Variants in MALRD1 observed in about 807,000 individuals in gnomAD.
The protein encoded by MALRD1 is MAM and LDL-receptor class A domain-containing protein 1.
In MALRD1, 247 loss-of-function variants were observed where a neutral mutation model predicts 242.1. That is an observed-to-expected ratio of 1.02 (90% CI 0.92 to 1.13). The LOEUF (loss-of-function observed/expected upper bound fraction) is 1.13, where lower values mean the gene tolerates loss of function less well. MALRD1 is among the 50% of genes most tolerant of loss of function. The pLI is 0.00. For synonymous variants in MALRD1, 995 were observed against 866.6 expected (o/e 1.15, Z -2.60); for missense variants, 2,989 against 2,533.1 (o/e 1.18, Z -3.86).
chr10:19,212,318 T>C (rs1022805376), intron 18 of MALRD1, among the ~76,000 whole-genome samples: 6 of 152,326 alleles, frequency 3.9e-5, no homozygotes, highest in South Asian at 4.1e-4. Context: ...AAAAAATGTA[T>C]ATAAATAAAA....
chr10:19,677,317 A>G lies in MALRD1; in HGVS notation c.6138-14965A>G, dbSNP rs899930717. ...AGCATTCCCGTTTCTCCAGTCTCAC[A>G]GCATCTGTAGTTTCTTGACTTTTTA... On this transcript the variant is annotated intron_variant, in intron 36 of 39. Coordinates refer to ENST00000454679, the MANE Select transcript of MALRD1 (RefSeq NM_001142308.3). Among the ~76,000 whole-genome samples, 7 of 152,168 alleles carry G rather than the reference A, an allele frequency of 4.6e-5. No homozygotes were observed. In the East Asian group the frequency reaches 7.7e-4, roughly 17 times the overall value.
intron 1 of MALRD1, among the ~76,000 whole-genome samples, chr10:19,054,723 G>A (rs1834610682): frequency 2.0e-5 from 3 of 152,086 alleles, no homozygotes; most frequent in East Asian, 1.9e-4. Flanking sequence ...GTGTTGTCAC[G>A]AATGACAGGA....
chr10:19,336,816 A>T (rs1400931590), intron 24 of MALRD1, among the ~76,000 whole-genome samples: 1 of 152,136 alleles, frequency 6.6e-6, no homozygotes, highest in African/African-American at 2.4e-5. Context: ...TAGAACACAA[A>T]TCTAAGATGG....
chr10:19,142,039 G>T (rs1833562139), intron 10 of MALRD1, among the ~76,000 whole-genome samples: 1 of 151,886 alleles, frequency 6.6e-6, no homozygotes, highest in Non-Finnish European at 1.5e-5. Flanking sequence ...GGGCGTTGTG[G>T]TGGGCGCCTG....
intron 10 of MALRD1, among the ~76,000 whole-genome samples, chr10:19,141,127 AT>A (rs763788520): frequency 4.6e-5 from 7 of 152,224 alleles, no homozygotes; most frequent in South Asian, 4.1e-4. Context: ...TGTTTTAAAA[AT>A]CTCTATCAAA....
intron 5 of MALRD1, among the ~76,000 whole-genome samples, chr10:19,109,611 G>C (rs948057028): frequency 3.9e-5 from 6 of 152,236 alleles, no homozygotes; most frequent in African/African-American, 1.2e-4. Flanking sequence ...ATTCACAGAA[G>C]TAGATAGCTA....
intron 10 of MALRD1, among the ~76,000 whole-genome samples, chr10:19,144,529 C>T (rs1195967199): frequency 1.3e-5 from 2 of 152,320 alleles, no homozygotes; most frequent in Admixed American, 6.5e-5. Context: ...GTCCCTATTA[C>T]AGAGACTTGA....
intron 31 of MALRD1, among the ~76,000 whole-genome samples, chr10:19,504,157 A>T (rs1311323325): frequency 1.3e-5 from 2 of 152,196 alleles, no homozygotes; most frequent in Admixed American, 6.5e-5. Context: ...TGTACTTCCT[A>T]TGGGCAGACA....
chr10:19,642,135 G>A (rs7080580), intron 36 of MALRD1, among the ~76,000 whole-genome samples: 23,336 of 151,994 alleles, frequency 0.15, 3,168 homozygotes, highest in African/African-American at 0.37. Flanking sequence ...TATATCAGCA[G>A]AACATATATT....
At chr10:19,644,951 T>A (rs1210304964) in intron 36 of MALRD1, among the ~76,000 whole-genome samples, 3 of 152,294 alleles carry the variant, frequency 2.0e-5, no homozygotes, top group Non-Finnish European at 4.4e-5. Context: ...ACAGATCCTG[T>A]AAAAATTAAT....
In MALRD1 at chr10:19,073,910, C is replaced by T. The variant is rs74377480; in HGVS notation, c.340+7051C>T. ...AGAGACAAACTCTGACTCCAGAAAG[C>T]GAAAGAGCATTTGAGAAAATAGTTG... On this transcript the variant is annotated intron_variant, in intron 2 of 39. Coordinates refer to ENST00000454679, the MANE Select transcript of MALRD1 (RefSeq NM_001142308.3). Among the ~76,000 whole-genome samples, 701 of 152,048 alleles carry T rather than the reference C, an allele frequency of 4.6e-3. 4 individuals are homozygous for T. The highest frequency in any genetic ancestry group is 0.017 in the Middle Eastern group (5 of 294).
At chr10:19,206,361 T>C (rs571733279) in intron 17 of MALRD1, among the ~76,000 whole-genome samples, 1 of 152,196 alleles carries the variant, frequency 6.6e-6, no homozygotes, top group Non-Finnish European at 1.5e-5. Context: ...AATATTTGAG[T>C]GGGTATAATT....
intron 12 of MALRD1, among the ~76,000 whole-genome samples, chr10:19,159,964 A>AT (rs1291480855): frequency 6.6e-6 from 1 of 152,170 alleles, no homozygotes; most frequent in Non-Finnish European, 1.5e-5. Context: ...TGGAGCTTCC[A>AT]TTTTTATCTT....
intron 38 of MALRD1, among the ~76,000 whole-genome samples, chr10:19,693,091 A>G (rs897132997): frequency 2.0e-5 from 3 of 151,948 alleles, no homozygotes; most frequent in Non-Finnish European, 4.4e-5. Flanking sequence ...TATAAGAGCT[A>G]TTTATGACAA....
At chr10:19,238,556 ATT>A (rs1491425344) in intron 18 of MALRD1, among the ~76,000 whole-genome samples, 3 of 83,874 alleles carry the variant, frequency 3.6e-5, no homozygotes, top group East Asian at 6.3e-4. Flanking sequence ...TATAATGTAT[ATT>A]ATATATAATA....
At chr10:19,113,928 G>A (rs755287274) in intron 5 of MALRD1, among the ~76,000 whole-genome samples, 2 of 151,944 alleles carry the variant, frequency 1.3e-5, no homozygotes, top group African/African-American at 2.4e-5. Flanking sequence ...TTCATTTGTG[G>A]ACCCTAGAAC....
At chr10:19,679,991 T>A (rs1842301489) in intron 36 of MALRD1, among the ~76,000 whole-genome samples, 1 of 152,196 alleles carries the variant, frequency 6.6e-6, no homozygotes, top group Non-Finnish European at 1.5e-5. Flanking sequence ...AGTTCTAGTT[T>A]GATTGTGCTG....
intron 4 of MALRD1, among the ~76,000 whole-genome samples, chr10:19,103,673 A>G (rs1240897124): frequency 6.6e-6 from 1 of 152,208 alleles, no homozygotes; most frequent in East Asian, 1.9e-4. Flanking sequence ...AATGCGAAAC[A>G]GTGTGAACAC....
rs1564582934 is a variant in MALRD1, at chr10:19,348,315, A to G, written c.4149+297A>G. 3.3e-5 allele frequency among the ~76,000 whole-genome samples: 5 copies of G among 152,178 alleles called. No individual in the cohort carries two copies. In the South Asian group the frequency reaches 1.0e-3, roughly 32 times the overall value. On this transcript the variant is annotated intron_variant, in intron 25 of 39. Coordinates refer to ENST00000454679, the MANE Select transcript of MALRD1 (RefSeq NM_001142308.3). ...CCATGTATAATACAGAAGAAGTAAG[A>G]TATCAGTTGTTTTCTCTTAAGAAGC...
Sources: allele counts gnomAD v4.1 joint callset (sites outside exome capture counted in the v4.1 genomes callset), GRCh38; gene constraint gnomAD v4.1.1; transcripts MANE v1.5; gene names NCBI Gene and HGNC (gene_info 2026-07-23, HGNC 2026-07-21).